Variants in UGT2A1 observed in about 807,000 individuals in gnomAD.
The protein encoded by UGT2A1 is UDP glucuronosyltransferase family 2 member A1 complex locus.
UGT2A1 carries 61 observed loss-of-function variants against 45.4 expected under a neutral mutation model. The ratio of observed to expected loss-of-function variants is 1.34; its 90% CI spans 1.09 to 1.66. UGT2A1 has a LOEUF of 1.66. Ranked by LOEUF, UGT2A1 falls within the 40% of genes most tolerant of loss-of-function variation. The pLI is 0.00. For missense variants in UGT2A1, 649 were observed against 574.3 expected (o/e 1.13, Z -1.33); for synonymous variants, 229 against 196.2 (o/e 1.17, Z -1.40).
At chr4:69,635,032 T>C (rs1721596663) in intron 3 of UGT2A1, among the ~76,000 whole-genome samples, 1 of 152,172 alleles carries the variant, frequency 6.6e-6, no homozygotes, top group Admixed American at 6.5e-5. Flanking sequence ...CTCCAGGATG[T>C]GCTTATTTTA....
At chr4:69,644,420 C>T (rs1389883503) in intron 2 of UGT2A1, among the ~76,000 whole-genome samples, 1 of 151,656 alleles carries the variant, frequency 6.6e-6, no homozygotes, top group African/African-American at 2.4e-5. Flanking sequence ...AAGAGACGGT[C>T]TATGTACATT....
intron 6 of UGT2A1, among the ~76,000 whole-genome samples, chr4:69,593,600 T>C (rs1247232491): frequency 6.6e-6 from 1 of 151,478 alleles, no homozygotes; most frequent in Non-Finnish European, 1.5e-5. Context: ...CATAACTCAA[T>C]ATATTTTATA....
intron 1 of UGT2A1, among the ~76,000 whole-genome samples, chr4:69,651,685 A>G (rs979658897): frequency 2.6e-5 from 4 of 152,214 alleles, no homozygotes; most frequent in Non-Finnish European, 5.9e-5. Context: ...TATGATCCAC[A>G]GCTGTTAACA....
At chr4:69,640,388 G>A (rs539958688) in intron 2 of UGT2A1, among the ~76,000 whole-genome samples, 19 of 152,026 alleles carry the variant, frequency 1.2e-4, no homozygotes, top group Admixed American at 8.5e-4. Flanking sequence ...GAGTAAGAGC[G>A]TAGTAATGTT....
chr4:69,627,533 A>AG (rs1491222646), intron 3 of UGT2A1, among the ~76,000 whole-genome samples: 1 of 98,444 alleles, frequency 1.0e-5, no homozygotes, highest in Non-Finnish European at 2.3e-5. Flanking sequence ...AGAAAGAAAG[A>AG]AAGAGAGAGA....
At chr4:69,618,877 G>T (rs1342087874) in intron 3 of UGT2A1, among the ~76,000 whole-genome samples, 1 of 151,534 alleles carries the variant, frequency 6.6e-6, no homozygotes, top group Non-Finnish European at 1.5e-5. Context: ...ACCAAACTTC[G>T]GAAAATTTTC....
chr4:69,637,584 A>T (rs1007368609), intron 2 of UGT2A1, among the ~76,000 whole-genome samples: 1 of 152,062 alleles, frequency 6.6e-6, no homozygotes, highest in Non-Finnish European at 1.5e-5. Flanking sequence ...GCCTGATGTC[A>T]TTCTTTCATT....
At chr4:69,652,628 A>G (rs1409924283) in intron 1 of UGT2A1, among the ~76,000 whole-genome samples, 1 of 152,134 alleles carries the variant, frequency 6.6e-6, no homozygotes, top group Non-Finnish European at 1.5e-5. Flanking sequence ...TTTGATTTAT[A>G]GCATAAAACA....
intron 3 of UGT2A1, among the ~76,000 whole-genome samples, chr4:69,630,875 A>G (rs1036219199): frequency 2.6e-5 from 4 of 151,974 alleles, no homozygotes; most frequent in African/African-American, 7.2e-5. Context: ...AATTATACAT[A>G]TATTATATAT....
At chr4:69,614,581 G>T (rs1001169304) in intron 3 of UGT2A1, among the ~76,000 whole-genome samples, 5 of 151,952 alleles carry the variant, frequency 3.3e-5, no homozygotes, top group African/African-American at 1.2e-4. Flanking sequence ...ATACTTCAAA[G>T]CTAGTAGCCA....
rs748651505 is a variant in UGT2A1 at position 69,639,211 on chromosome 4, A to G, written c.716-3389T>C. 10 of 1,613,686 alleles carry G rather than the reference A, an allele frequency of 6.2e-6. No individual in the cohort carries two copies. In the Admixed American group the frequency reaches 1.7e-4, roughly 27 times the overall value. On this transcript the variant is annotated intron_variant, in intron 2 of 6. Coordinates refer to ENST00000286604, the MANE Select transcript of UGT2A1 (RefSeq NM_001252275.3). Reference sequence around the variant, plus strand: ...CCACCTTTCTGAAGTCTTGCCATCAACTTTGGGTTCTTTAGTACACCATCA... The same window carrying G: ...CCACCTTTCTGAAGTCTTGCCATCAGCTTTGGGTTCTTTAGTACACCATCA...
At chr4:69,606,491 T>C (rs1305549364) in intron 3 of UGT2A1, among the ~76,000 whole-genome samples, 4 of 135,996 alleles carry the variant, frequency 2.9e-5, no homozygotes, top group East Asian at 2.1e-4. Flanking sequence ...AAACTGGAAG[T>C]ATTCCCTTTG....
intron 3 of UGT2A1, among the ~76,000 whole-genome samples, chr4:69,609,643 T>A (rs569291452): frequency 1.8e-4 from 27 of 152,092 alleles, no homozygotes; most frequent in African/African-American, 6.3e-4. Flanking sequence ...GTCTCTGAGA[T>A]GAGATTATTT....
At chr4:69,616,589 A>G (rs1424144535) in intron 3 of UGT2A1, among the ~76,000 whole-genome samples, 2 of 151,984 alleles carry the variant, frequency 1.3e-5, no homozygotes, top group Non-Finnish European at 2.9e-5. Flanking sequence ...AAGTGTTTGC[A>G]ACTTCCAGTT....
chr4:69,593,563 T>C (rs1323054912), intron 6 of UGT2A1, among the ~76,000 whole-genome samples: 4 of 151,428 alleles, frequency 2.6e-5, no homozygotes, highest in Non-Finnish European at 5.9e-5. Context: ...TATAGACTTA[T>C]ATATATAATA....
chr4:69,623,168 C>T (rs75662748), intron 3 of UGT2A1, among the ~76,000 whole-genome samples: 3,503 of 151,906 alleles, frequency 0.023, 117 homozygotes, highest in Non-Finnish European at 0.026. Context: ...CCATCCTCTT[C>T]CATCTGTTCC....
At chr4:69,621,621 T>C (rs12507278) in intron 3 of UGT2A1, among the ~76,000 whole-genome samples, 1 of 151,670 alleles carries the variant, frequency 6.6e-6, no homozygotes, top group Admixed American at 6.6e-5. Context: ...AAAACAGAAC[T>C]ACCATTAAAC....
chr4:69,598,929 T>C (rs759641771), intron 4 of UGT2A1, among the ~76,000 whole-genome samples: 9 of 152,160 alleles, frequency 5.9e-5, no homozygotes, highest in Non-Finnish European at 8.8e-5. Context: ...CTATGTGGCT[T>C]GGTAAGACTA....
intron 3 of UGT2A1, among the ~76,000 whole-genome samples, chr4:69,607,388 C>G (rs892293636): frequency 5.9e-5 from 9 of 151,718 alleles, no homozygotes; most frequent in African/African-American, 1.9e-4. Context: ...GAACCTGGAT[C>G]CCTTCCTTAC....
Sources: gnomAD v4.1 joint callset for allele counts (sites outside exome capture counted in the v4.1 genomes callset) on GRCh38, gnomAD v4.1.1 for gene constraint, MANE v1.5 for transcripts, NCBI Gene and HGNC (gene_info 2026-07-23, HGNC 2026-07-21) for gene names.